Variants in NXPE1 observed in about 807,000 individuals in gnomAD.
NXPE1 encodes NXPE family member 1.
Under a neutral mutation model 33.3 loss-of-function variants are expected in NXPE1, and 31 were observed. The observed-to-expected ratio is 0.93, with a 90% CI of 0.70 to 1.26. The LOEUF is 1.26. NXPE1 is among the 50% of genes most tolerant of loss of function. NXPE1 has a pLI of 0.00. For missense variants in NXPE1, 661 were observed against 655.6 expected (o/e 1.01, Z -0.09); for synonymous variants, 229 against 231.4 (o/e 0.99, Z 0.09).
At chr11:114,539,477 A>T (rs1023387027) in intron 5 of NXPE1, among the ~76,000 whole-genome samples, 27 of 152,178 alleles carry the variant, frequency 1.8e-4, no homozygotes, top group African/African-American at 6.0e-4. Context: ...TCCTTAATGG[A>T]GGTATTTTGA....
At chr11:114,522,129 C>T in exon 9 of NXPE1, 1 of 1,614,030 alleles carries the variant, frequency 6.2e-7, no homozygotes, top group Non-Finnish European at 8.5e-7. Context: ...TGAATATAAC[C>T]ATGGAAGTCT....
chr11:114,556,586 C>G (rs1408766049), intron 1 of NXPE1, among the ~76,000 whole-genome samples: 2 of 151,946 alleles, frequency 1.3e-5, no homozygotes, highest in Non-Finnish European at 2.9e-5. Context: ...GATAAGAGCC[C>G]TTAAAGCTGG....
intron 7 of NXPE1, among the ~76,000 whole-genome samples, chr11:114,525,569 C>G (rs563378438): frequency 4.6e-5 from 7 of 152,056 alleles, no homozygotes; most frequent in Non-Finnish European, 1.0e-4. Flanking sequence ...CTTCCCCCTT[C>G]CCCCCTTACT....
At chr11:114,540,532 G>A (rs907974047) in intron 5 of NXPE1, among the ~76,000 whole-genome samples, 6 of 152,248 alleles carry the variant, frequency 3.9e-5, no homozygotes, top group East Asian at 1.9e-4. Flanking sequence ...GAATGGGTGC[G>A]TATGGGAAAA....
At chr11:114,521,912 C>T in exon 9 of NXPE1, 1 of 1,279,392 alleles carries the variant, frequency 7.8e-7, no homozygotes. Context: ...CTTTACAATA[C>T]ATGTGGGATT....
At chr11:114,533,674 A>C (rs1445154738) in intron 5 of NXPE1, among the ~76,000 whole-genome samples, 1 of 152,230 alleles carries the variant, frequency 6.6e-6, no homozygotes, top group Non-Finnish European at 1.5e-5. Flanking sequence ...ACGCCCACGG[A>C]GCCTTGCTCA....
At chr11:114,524,962 TA>T (rs934186564) in intron 7 of NXPE1, among the ~76,000 whole-genome samples, 5 of 152,190 alleles carry the variant, frequency 3.3e-5, no homozygotes, top group Admixed American at 3.3e-4. Flanking sequence ...CCGGTTTATC[TA>T]GTGTTTCTTG....
chr11:114,528,976 A>C, intron 6 of NXPE1: 3 of 439,614 alleles, frequency 6.8e-6, no homozygotes, highest in Non-Finnish European at 1.2e-5. Context: ...TTTACTTTTC[A>C]GAAGGGAGCC....
At chr11:114,537,934 T>A (rs996438258) in intron 5 of NXPE1, among the ~76,000 whole-genome samples, 1 of 152,086 alleles carries the variant, frequency 6.6e-6, no homozygotes, top group Non-Finnish European at 1.5e-5. Context: ...AAAACTACTT[T>A]AAAGTTCATA....
chr11:114,530,140 G>C, intron 6 of NXPE1, 35 bp downstream of exon 6: 1 of 1,549,894 alleles, frequency 6.5e-7, no homozygotes, highest in Non-Finnish European at 8.7e-7. Context: ...ACTTCTCAGG[G>C]GACACTTCTC....
chr11:114,559,551 A>T (rs144762993), intron 1 of NXPE1, among the ~76,000 whole-genome samples: 12 of 151,920 alleles, frequency 7.9e-5, no homozygotes, highest in African/African-American at 1.4e-4. Flanking sequence ...TTTTATCTTG[A>T]TGCTGTCTCA....
chr11:114,524,405 A>T (rs534912465), intron 7 of NXPE1, among the ~76,000 whole-genome samples: 1 of 152,326 alleles, frequency 6.6e-6, no homozygotes, highest in South Asian at 2.1e-4. Context: ...AGAATAGTGC[A>T]TCATTACATG....
At chr11:114,521,774 T>A (rs1565293460) in exon 9 of NXPE1, 2 of 536,688 alleles carry the variant, frequency 3.7e-6, no homozygotes, top group African/African-American at 3.8e-5. Flanking sequence ...CATGGTATAG[T>A]CATTCTTCAT....
At chr11:114,527,871 A>G in exon 7 of NXPE1, 1 of 1,607,072 alleles carries the variant, frequency 6.2e-7, no homozygotes, top group Non-Finnish European at 8.5e-7. Flanking sequence ...TGTGTTTACG[A>G]TCCTTCATCA....
intron 7 of NXPE1, chr11:114,527,119 A>G (rs1475096295): frequency 1.3e-5 from 2 of 152,304 alleles, no homozygotes; most frequent in Non-Finnish European, 2.9e-5. Flanking sequence ...TGCTCAGTAA[A>G]TGTTTGCTGA....
chr11:114,533,461 C>A (rs994961613), intron 5 of NXPE1, among the ~76,000 whole-genome samples: 1 of 152,088 alleles, frequency 6.6e-6, no homozygotes, highest in Non-Finnish European at 1.5e-5. Flanking sequence ...TGCAGCACAC[C>A]GTGCATGAGC....
At chr11:114,536,906 G>A (rs144302739) in intron 5 of NXPE1, among the ~76,000 whole-genome samples, 88 of 152,216 alleles carry the variant, frequency 5.8e-4, no homozygotes, top group African/African-American at 1.9e-3. Context: ...AGTAGAAAAC[G>A]GGAATCCTCC....
At chr11:114,522,188 A>G (rs1947230326) in exon 9 of NXPE1, 2 of 1,614,092 alleles carry the variant, frequency 1.2e-6, no homozygotes, top group Non-Finnish European at 1.7e-6. Context: ...TTCTGTCTTA[A>G]TAATCACTTT....
At chr11:114,547,476 T>G (rs141851775) in intron 5 of NXPE1, among the ~76,000 whole-genome samples, 3 of 152,206 alleles carry the variant, frequency 2.0e-5, no homozygotes, top group Non-Finnish European at 2.9e-5. Context: ...GGCTCACGCC[T>G]GTAATCCCAG....
Sources: gnomAD v4.1 joint callset for allele counts (sites outside exome capture counted in the v4.1 genomes callset) on GRCh38, gnomAD v4.1.1 for gene constraint, MANE v1.5 for transcripts, NCBI Gene and HGNC (gene_info 2026-07-23, HGNC 2026-07-21) for gene names.